The following ARHGEF19 variants were observed in gnomAD, a reference collection of about 807,000 sequenced individuals.
The protein encoded by ARHGEF19 is Rho guanine nucleotide exchange factor (GEF) 19.
In ARHGEF19, 92 loss-of-function variants were observed where a neutral mutation model predicts 87.6. The ratio of observed to expected loss-of-function variants is 1.05; its 90% CI spans 0.89 to 1.25. The LOEUF (loss-of-function observed/expected upper bound fraction) is 1.25. ARHGEF19 is among the 50% of genes most tolerant of loss of function. The pLI, the probability that ARHGEF19 is intolerant of heterozygous loss-of-function variation, is 0.00. For synonymous variants in ARHGEF19, 438 were observed against 446.2 expected (o/e 0.98, Z 0.23); for missense variants, 1,054 against 1,051.8 (o/e 1.00, Z -0.03).
At chr1:16,204,388 A>G (rs1316164816) in intron 12 of ARHGEF19, among the ~76,000 whole-genome samples, 1 of 152,234 alleles carries the variant, frequency 6.6e-6, no homozygotes, top group Non-Finnish European at 1.5e-5. Context: ...ATTAAAGGGA[A>G]TAATCCACGT....
intron 14 of ARHGEF19, among the ~76,000 whole-genome samples, chr1:16,200,337 C>A (rs1435834475): frequency 6.6e-6 from 1 of 152,222 alleles, no homozygotes; most frequent in Non-Finnish European, 1.5e-5. Context: ...AGATTTAATG[C>A]AAATACAAGG....
At position 16,207,973 on chromosome 1, in the gene ARHGEF19, G is replaced by A. The variant is rs1475657817; in HGVS notation, c.665C>T (p.Ser222Phe). Residue 222 changes from serine (S) to phenylalanine (F), a missense_variant, in exon 3 of 16, where the codon TCT becomes TTT. Transcript: ENST00000270747. The surrounding 1 kb of genome is among the most constrained non-coding windows in gnomAD (Gnocchi z 4.0). ...GRNSAARALI[S>F]GSGTGAAREG... Reference sequence around the variant, plus strand: ...CCGGGCTGCTCCGGTGCCTGACCCAGAGATGAGTGCCCGGGCTGCTGAATT... The same window carrying A: ...CCGGGCTGCTCCGGTGCCTGACCCAAAGATGAGTGCCCGGGCTGCTGAATT... 1.9e-6 allele frequency: 3 copies of A among 1,610,002 alleles called. No individual in the cohort carries two copies. The African/African-American group carries it at 4.0e-5, about 22-fold the overall frequency.
rs761533125 is a variant in ARHGEF19 at position 16,205,523 on chromosome 1, G to A, written c.1581+15C>T. The A allele has an allele frequency of 8.1e-6, 13 of 1,613,748 alleles. No individual in the cohort carries two copies. Among genetic ancestry groups the A allele is most frequent in the Non-Finnish European group, 1.1e-5 (13 of 1,179,930 alleles). ...CCTCGCCCAGCCCTCACTGTGGCCTGTCCCCTCGAGGTACCTCCACCAACA... is the reference window on the plus strand; with the variant it reads ...CCTCGCCCAGCCCTCACTGTGGCCTATCCCCTCGAGGTACCTCCACCAACA... On this transcript the variant is annotated intron_variant, in intron 9 of 15. Transcript: ENST00000270747. This position sits in a 1 kb window ranked among gnomAD's most constrained non-coding sequence, Gnocchi z 5.8.
Position 16,207,159 on chromosome 1 carries a change from C to A in ARHGEF19, c.926G>T (p.Arg309Leu). 2 of 1,530,296 alleles carry A rather than the reference C, an allele frequency of 1.3e-6. No homozygotes were observed. Among genetic ancestry groups the A allele is most frequent in the Non-Finnish European group, 8.8e-7 (1 of 1,142,538 alleles). The allele number at this position is 1,530,296 out of a possible 1,614,324, so 94.8% of individuals were successfully genotyped here. ...SDVASARELRRQQREEEGPGD... is the reference protein window; with the variant it reads ...SDVASARELRLQQREEEGPGD... ...CGGGCCCTCCTCCTCGCGCTGCTGC[C>A]GCCGCAGTTCGCGGGCGCTGGCCAC... The change falls in exon 6 of 16, where the codon CGG (arginine) becomes CTG (leucine). Residue 309 changes from arginine to leucine, a missense_variant. Physicochemically the swap from Arg to Leu is moderately radical, Grantham distance 102 (BLOSUM62 -2). Transcript: ENST00000270747. The surrounding 1 kb of genome is among the most constrained non-coding windows in gnomAD (Gnocchi z 4.0).
chr1:16,207,785 G>T lies in ARHGEF19; in HGVS notation c.695-8C>A. ...CCATTCCAGATGCTTTCCCTGGAGA[G>T]GGCGAGAACTGAGGGTGGGGGGTCC... On this transcript the variant is annotated splice_region_variant and splice_polypyrimidine_tract_variant and intron_variant, in intron 3 of 15. Coordinates refer to ENST00000270747, the MANE Select transcript of ARHGEF19 (RefSeq NM_153213.5). The surrounding 1 kb of genome is among the most constrained non-coding windows in gnomAD (Gnocchi z 4.0). The T allele has an allele frequency of 6.2e-7, 1 of 1,613,392 alleles. No individual in the cohort carries two copies. The highest frequency in any genetic ancestry group is 8.5e-7 in the Non-Finnish European group (1 of 1,179,944).
At chr1:16,201,091 G>C (rs188999557) in intron 14 of ARHGEF19, among the ~76,000 whole-genome samples, 39 of 151,926 alleles carry the variant, frequency 2.6e-4, no homozygotes, top group African/African-American at 9.4e-4. Context: ...GTGTGGTAGT[G>C]CATATCTGTG....
In ARHGEF19 at chr1:16,201,789, C is replaced by A. The variant is rs113595914; in HGVS notation, c.2139G>T (p.Glu713Asp). The A allele has an allele frequency of 2.9e-4, 472 of 1,613,716 alleles. 2 individuals carry two copies. The African/African-American group carries it at 5.6e-3, about 19-fold the overall frequency. Residue 713 changes from glutamate to aspartate, a missense_variant, in exon 14 of 16, where the codon GAG becomes GAT. By Grantham distance (45) the Glu-to-Asp change is conservative. Coordinates refer to ENST00000270747, the MANE Select transcript of ARHGEF19 (RefSeq NM_153213.5). ...GCAGGGATGAGCTACTACCTTCCCCCTCACTGATGACCTCCTTGTCCTCCT... is the reference window on the plus strand; with the variant it reads ...GCAGGGATGAGCTACTACCTTCCCCATCACTGATGACCTCCTTGTCCTCCT... ...SPQEDKEVIS[E>D]GEDCPQVQCV... is the part of the protein sequence containing the mutation.
chr1:16,207,316 C>A lies in ARHGEF19; in HGVS notation c.875-106G>T. On this transcript the variant is annotated intron_variant, in intron 5 of 15. Coordinates refer to ENST00000270747, the MANE Select transcript of ARHGEF19 (RefSeq NM_153213.5). This position sits in a 1 kb window ranked among gnomAD's most constrained non-coding sequence, Gnocchi z 4.0. ...GCGTCACTTAACCTTTGCCGCGGTTCGGATATCTGGACACAGTGAATTCAT... is the reference window on the plus strand; with the variant it reads ...GCGTCACTTAACCTTTGCCGCGGTTAGGATATCTGGACACAGTGAATTCAT... The A allele has an allele frequency of 7.0e-7, 1 of 1,420,132 alleles. No homozygotes were observed. Among genetic ancestry groups the A allele is most frequent in the Admixed American group, 2.7e-5 (1 of 36,862 alleles). The allele number at this position is 1,420,132 out of a possible 1,614,324, so 88.0% of individuals were successfully genotyped here.
chr1:16,205,667 G>A lies in ARHGEF19; in HGVS notation c.1452C>T (p.Leu484=), dbSNP rs1472531197. The A allele has an allele frequency of 4.4e-6, 7 of 1,605,580 alleles. No homozygotes were observed. The highest frequency in any genetic ancestry group is 5.9e-6 in the Non-Finnish European group (7 of 1,176,984). ...TGCCAGGGAACCTGGGGTTCTCCAG[G>A]CTGGAAAATGGGGAGGACTCTGGAA... ...AYQERTYQRL[L]LENPRFPGIL... The change falls in exon 9 of 16, where the codon CTC becomes CTT. Residue 484 remains leucine (L), a splice_region_variant and synonymous_variant. Transcript: ENST00000270747. This position sits in a 1 kb window ranked among gnomAD's most constrained non-coding sequence, Gnocchi z 5.8.
intron 14 of ARHGEF19, among the ~76,000 whole-genome samples, chr1:16,200,072 A>G (rs1004324059): frequency 2.0e-5 from 3 of 152,190 alleles, no homozygotes; most frequent in Non-Finnish European, 4.4e-5. Context: ...CCACCTGGGA[A>G]TAGAGAGCTT....
rs754191386 is a variant in ARHGEF19, at chr1:16,207,822, CT to C, written c.695-46del. Reference sequence around the variant, plus strand: ...AGGGTGGGGGGTCCAGAGAGTGGGCCTGGGGCCTGGGCCCCGGCCCAGGCAC... The same window carrying C: ...AGGGTGGGGGGTCCAGAGAGTGGGCCGGGGCCTGGGCCCCGGCCCAGGCAC... On this transcript the variant is annotated intron_variant, in intron 3 of 15. Coordinates refer to ENST00000270747, the MANE Select transcript of ARHGEF19 (RefSeq NM_153213.5). The surrounding 1 kb of genome is among the most constrained non-coding windows in gnomAD (Gnocchi z 4.0). The C allele has an allele frequency of 1.7e-4, 277 of 1,605,840 alleles. No homozygotes were observed. The highest frequency in any genetic ancestry group is 6.2e-4 in the South Asian group (56 of 90,782).
At chr1:16,202,193 C>A (rs1263923389) in intron 13 of ARHGEF19, among the ~76,000 whole-genome samples, 5 of 152,242 alleles carry the variant, frequency 3.3e-5, no homozygotes, top group African/African-American at 1.2e-4. Context: ...GAGGTGGCAG[C>A]CCCCTGACAC....
At chr1:16,204,719 G>A (rs1271692611) in intron 12 of ARHGEF19, 40 bp downstream of exon 12, 9 of 1,524,042 alleles carry the variant, frequency 5.9e-6, no homozygotes, top group Non-Finnish European at 7.9e-6. Flanking sequence ...AGAGAGCCTG[G>A]CTCCACTTTA....
At chr1:16,202,711 T>A in intron 12 of ARHGEF19, 137 bp from the exon 13 acceptor site, 1 of 1,145,580 alleles carries the variant, frequency 8.7e-7, no homozygotes, top group South Asian at 1.5e-5. Flanking sequence ...AGGGTCCTGC[T>A]TCTGGATAGG....
chr1:16,202,415 C>T lies in ARHGEF19; in HGVS notation c.2066+1G>A. ...TCTCTCCCATATCCAGGCCCACTCA[C>T]TCCGTCCGGGCCCGCAGCAGGAACT... is the stretch of plus-strand genomic sequence containing the variant. On this transcript the variant is annotated splice_donor_variant, in intron 13 of 15. Transcript: ENST00000270747. LOFTEE classifies it high-confidence loss of function. 1 of 1,609,974 alleles carries T rather than the reference C, an allele frequency of 6.2e-7. No homozygotes were observed. The highest frequency in any genetic ancestry group is 1.1e-5 in the South Asian group (1 of 90,478).
chr1:16,207,590 G>T lies in ARHGEF19; in HGVS notation c.806C>A (p.Thr269Lys), dbSNP rs753133782. 6.2e-7 allele frequency: 1 copy of T among 1,614,026 alleles called. No homozygotes were observed. Among genetic ancestry groups the T allele is most frequent in the Non-Finnish European group, 8.5e-7 (1 of 1,180,012 alleles). The change falls in exon 5 of 16, where the codon ACA (threonine) becomes AAA (lysine). Residue 269 changes from threonine to lysine, a missense_variant. By Grantham distance (78) the Thr-to-Lys change is moderately conservative (BLOSUM62 -1). Coordinates refer to ENST00000270747, the MANE Select transcript of ARHGEF19 (RefSeq NM_153213.5). The surrounding 1 kb of genome is among the most constrained non-coding windows in gnomAD (Gnocchi z 4.0). ...EGDWSEPRLD[T>K]QEEPPLGSRS... Reference sequence around the variant, plus strand: ...GGACCCCAAAGGCGGCTCTTCCTGTGTGTCTAGCCTAGGAAAGAGAGAGCG... The same window carrying T: ...GGACCCCAAAGGCGGCTCTTCCTGTTTGTCTAGCCTAGGAAAGAGAGAGCG...
At position 16,208,844 on chromosome 1, in the gene ARHGEF19, C is replaced by A; in HGVS notation, c.211G>T (p.Ala71Ser). Residue 71 changes from alanine to serine, a missense_variant, in exon 2 of 16, where the codon GCC becomes TCC. Ala to Ser is a moderately conservative substitution (Grantham distance 99, BLOSUM62 1). Coordinates refer to ENST00000270747, the MANE Select transcript of ARHGEF19 (RefSeq NM_153213.5). ...GGCCATAGCAACCCTTGGAGAGGGG[C>A]AGGGGTCCCCAGGGACCAGCGGCTG... ...PGSRWSLGTP[A>S]PLQGLLWPLS... The A allele has an allele frequency of 6.2e-7, 1 of 1,609,624 alleles. No homozygotes were observed.
Position 16,205,278 on chromosome 1 carries a change from G to A in ARHGEF19, c.1656+73C>T, listed in dbSNP as rs2081117671. On this transcript the variant is annotated intron_variant, in intron 10 of 15. Transcript: ENST00000270747. This position sits in a 1 kb window ranked among gnomAD's most constrained non-coding sequence, Gnocchi z 5.8. ...GGACCGGAGACTCTGACAGCTGGGG[G>A]CTGTTTTAGAGACGTGCTGGGGGTC... 2.5e-6 allele frequency: 4 copies of A among 1,607,166 alleles called. No individual in the cohort carries two copies. Among genetic ancestry groups the A allele is most frequent in the Non-Finnish European group, 3.4e-6 (4 of 1,174,844 alleles).
rs1240227109 is a variant in ARHGEF19, at chr1:16,201,808, T to C, written c.2120A>G (p.Asp707Gly). 21 of 1,613,810 alleles carry C rather than the reference T, an allele frequency of 1.3e-5. No individual in the cohort carries two copies. The highest frequency in any genetic ancestry group is 1.8e-5 in the Non-Finnish European group (21 of 1,179,830). Residue 707 changes from aspartate to glycine, a missense_variant, in exon 14 of 16, where the codon GAC becomes GGC. Physicochemically the swap from Asp to Gly is moderately conservative, Grantham distance 94. Transcript: ENST00000270747. Reference protein sequence around the residue: ...SALCPSSPQEDKEVISEGEDC... With the variant: ...SALCPSSPQEGKEVISEGEDC... ...TTCCCCCTCACTGATGACCTCCTTGTCCTCCTGGGGGCTGGAGGGGCACAA... is the reference window on the plus strand; with the variant it reads ...TTCCCCCTCACTGATGACCTCCTTGCCCTCCTGGGGGCTGGAGGGGCACAA...
Sources: gnomAD v4.1 joint callset for allele counts (sites outside exome capture counted in the v4.1 genomes callset) on GRCh38, gnomAD v4.1.1 for gene constraint, Gnocchi (gnomAD v3.1) non-coding constraint, MANE v1.5 for transcripts, NCBI Gene and HGNC (gene_info 2026-07-23, HGNC 2026-07-21) for gene names.